Variants in CHN1 observed in about 807,000 individuals in gnomAD.
The protein encoded by CHN1 is chimerin 1, also known as N-chimaerin.
In CHN1, 37 loss-of-function variants were observed where a neutral mutation model predicts 59.5. The observed-to-expected ratio is 0.62, with a 90% CI of 0.48 to 0.82. CHN1 has a LOEUF of 0.82. Ranked by LOEUF, CHN1 falls within the 40% of genes least tolerant of loss-of-function variation. CHN1 has a pLI of 0.00. For synonymous variants in CHN1, 206 were observed against 200.4 expected (o/e 1.03, Z -0.24); for missense variants, 469 against 571.0 (o/e 0.82, Z 1.82).
chr2:174,964,089 A>G (rs1690513652), intron 1 of CHN1, among the ~76,000 whole-genome samples: 1 of 152,228 alleles, frequency 6.6e-6, no homozygotes, highest in East Asian at 1.9e-4. Flanking sequence ...GTGTATATGT[A>G]TGTGCATGTG....
intron 1 of CHN1, among the ~76,000 whole-genome samples, chr2:174,965,804 T>C (rs1208293666): frequency 6.6e-6 from 1 of 152,186 alleles, no homozygotes; most frequent in African/African-American, 2.4e-5. Flanking sequence ...CGGTTCAATA[T>C]TTAGACACAC....
chr2:174,806,259 C>T (rs1684882476), intron 11 of CHN1, among the ~76,000 whole-genome samples: 1 of 152,124 alleles, frequency 6.6e-6, no homozygotes, highest in Non-Finnish European at 1.5e-5. Flanking sequence ...CCTTGCTTTC[C>T]TTTTTCATTT....
intron 3 of CHN1, among the ~76,000 whole-genome samples, chr2:174,922,316 C>T (rs779774836): frequency 2.0e-4 from 30 of 152,140 alleles, no homozygotes; most frequent in Non-Finnish European, 3.8e-4. Flanking sequence ...TCAGTATTTA[C>T]TCTAAATGAA....
intron 3 of CHN1, among the ~76,000 whole-genome samples, chr2:174,924,994 A>G (rs1689129604): frequency 6.6e-6 from 1 of 152,182 alleles, no homozygotes; most frequent in South Asian, 2.1e-4. Flanking sequence ...TTTCATTGAT[A>G]CCATAAAATG....
intron 6 of CHN1, 89 bp from the exon 7 acceptor site, chr2:174,847,046 A>G (rs1049626009): frequency 1.3e-5 from 20 of 1,551,662 alleles, no homozygotes; most frequent in Non-Finnish European, 1.7e-5. Context: ...TGCTATCAAT[A>G]AATCTTGCTG....
chr2:174,948,243 T>C (rs1574200430), intron 2 of CHN1, among the ~76,000 whole-genome samples: 1 of 152,136 alleles, frequency 6.6e-6, no homozygotes, highest in Non-Finnish European at 1.5e-5. Flanking sequence ...AAAAGAGAAT[T>C]CCAGCCTCTT....
intron 1 of CHN1, among the ~76,000 whole-genome samples, chr2:174,976,543 T>C (rs956672163): frequency 1.3e-5 from 2 of 152,204 alleles, no homozygotes; most frequent in Non-Finnish European, 2.9e-5. Flanking sequence ...CAGCTGCTTC[T>C]GGTTTTGCTT....
chr2:174,860,186 T>C (rs1213723269), intron 6 of CHN1, among the ~76,000 whole-genome samples: 1 of 152,180 alleles, frequency 6.6e-6, no homozygotes, highest in East Asian at 1.9e-4. Context: ...GCGTAGTCTC[T>C]TGAGCAACTA....
rs368043665 is a variant in CHN1 at position 174,988,356 on chromosome 2, C to CAA, written c.19+16536_19+16537dup. Among the ~76,000 whole-genome samples, 38 of 61,456 alleles carry CAA rather than the reference C, an allele frequency of 6.2e-4. 2 individuals are homozygous for CAA. In the South Asian group the frequency reaches 0.016, roughly 26 times the overall value. 40.3% of individuals were successfully genotyped at this position (61,456 alleles called of 152,430 possible). The stretch of plus-strand genomic sequence containing the variant: ...TGGGCAACAGAGTGAAACTCCGTCT[C>CAA]AAAAAAAAAAAAAAAAAGACCAAAT... On this transcript the variant is annotated intron_variant, in intron 1 of 12. Coordinates refer to ENST00000409900, the MANE Select transcript of CHN1 (RefSeq NM_001822.7).
intron 5 of CHN1, among the ~76,000 whole-genome samples, chr2:174,895,415 G>T (rs908643860): frequency 6.6e-6 from 1 of 151,968 alleles, no homozygotes; most frequent in South Asian, 2.1e-4. Flanking sequence ...TGGCTGCTAT[G>T]GGGTAGGAGG....
At chr2:174,827,259 C>A (rs1685717524) in intron 7 of CHN1, among the ~76,000 whole-genome samples, 1 of 152,152 alleles carries the variant, frequency 6.6e-6, no homozygotes, top group Non-Finnish European at 1.5e-5. Flanking sequence ...ATTAATTAGT[C>A]ATTTTTATTC....
At chr2:174,966,509 C>T (rs1258093353) in intron 1 of CHN1, among the ~76,000 whole-genome samples, 2 of 152,112 alleles carry the variant, frequency 1.3e-5, no homozygotes, top group East Asian at 1.9e-4. Context: ...TTGGAAACCT[C>T]TCCTATTTAA....
intron 5 of CHN1, among the ~76,000 whole-genome samples, chr2:174,905,555 A>AT (rs1446657232): frequency 6.6e-6 from 1 of 151,934 alleles, no homozygotes; most frequent in Non-Finnish European, 1.5e-5. Context: ...CATGCTGAGG[A>AT]TAAAAAAAAA....
At chr2:174,947,902 T>C (rs1449988547) in intron 2 of CHN1, among the ~76,000 whole-genome samples, 1 of 152,214 alleles carries the variant, frequency 6.6e-6, no homozygotes, top group East Asian at 1.9e-4. Context: ...CTCTCTCAGT[T>C]TGGAATTTCT....
chr2:174,930,351 T>C (rs1689302415), intron 3 of CHN1, among the ~76,000 whole-genome samples: 3 of 152,246 alleles, frequency 2.0e-5, no homozygotes, highest in Non-Finnish European at 2.9e-5. Flanking sequence ...GCCAGAAAAG[T>C]GAGGCCACTT....
At chr2:174,827,918 G>C (rs749678204) in intron 7 of CHN1, among the ~76,000 whole-genome samples, 1 of 152,148 alleles carries the variant, frequency 6.6e-6, no homozygotes, top group Non-Finnish European at 1.5e-5. Context: ...CTGTGGAAGG[G>C]AAGGGGAAGG....
intron 2 of CHN1, among the ~76,000 whole-genome samples, chr2:174,945,977 C>T (rs956931669): frequency 1.3e-5 from 2 of 150,932 alleles, no homozygotes; most frequent in Admixed American, 6.6e-5. Context: ...TCTCTCTCTA[C>T]ACACACACAC....
chr2:174,873,959 T>C (rs1687484272), intron 6 of CHN1, among the ~76,000 whole-genome samples: 1 of 152,172 alleles, frequency 6.6e-6, no homozygotes, highest in Admixed American at 6.5e-5. Flanking sequence ...TCCTTACATG[T>C]GGGACAGATT....
chr2:174,846,769 G>C (rs1686530262), intron 7 of CHN1, 111 bp downstream of exon 7: 1 of 1,098,706 alleles, frequency 9.1e-7, no homozygotes, highest in Non-Finnish European at 1.3e-6. Flanking sequence ...TAAATAGCAA[G>C]AACATTTTAG....
Sources: gnomAD v4.1 joint callset for allele counts (sites outside exome capture counted in the v4.1 genomes callset) on GRCh38, gnomAD v4.1.1 for gene constraint, MANE v1.5 for transcripts, NCBI Gene and HGNC (gene_info 2026-07-23, HGNC 2026-07-21) for gene names.